Variants in TRPC1 observed in about 807,000 individuals in gnomAD.
TRPC1 encodes the protein short transient receptor potential channel 1.
TRPC1 carries 42 observed loss-of-function variants against 88.2 expected under a neutral mutation model. The ratio of observed to expected loss-of-function variants is 0.48; its 90% CI spans 0.37 to 0.62. The LOEUF (loss-of-function observed/expected upper bound fraction) is 0.62, where lower values mean the gene tolerates loss of function less well. Ranked by LOEUF, TRPC1 falls within the 20% of genes least tolerant of loss-of-function variation. The pLI is 0.00. For missense variants in TRPC1, 699 were observed against 957.3 expected, an observed-to-expected ratio of 0.73 and a Z score of 3.56; for synonymous variants, 288 against 331.8, an observed-to-expected ratio of 0.87 and a Z score of 1.43.
At position 142,787,783 on chromosome 3, in the gene TRPC1, A is replaced by G. The variant is rs535530064; in HGVS notation, c.1297+2743A>G. ...ATTGGTTAAAGATCATAGTGTTAGGAGAGTAAGCATATTATAGGGGCATTT... is the reference window on the plus strand; with the variant it reads ...ATTGGTTAAAGATCATAGTGTTAGGGGAGTAAGCATATTATAGGGGCATTT... On this transcript the variant is annotated intron_variant, in intron 7 of 12. Transcript: ENST00000476941. Among the ~76,000 whole-genome samples the G allele has an allele frequency of 2.6e-5, 4 of 152,344 alleles. No individual in the cohort carries two copies. The East Asian group carries it at 7.7e-4, about 29-fold the overall frequency.
intron 4 of TRPC1, among the ~76,000 whole-genome samples, chr3:142,758,139 T>C (rs1219909440): frequency 2.0e-5 from 3 of 152,114 alleles, no homozygotes; most frequent in Admixed American, 1.3e-4. Flanking sequence ...GGTAGTTCTA[T>C]TTTTAGTTTT....
At chr3:142,801,811 A>G (rs1357142808) in intron 9 of TRPC1, among the ~76,000 whole-genome samples, 1 of 152,146 alleles carries the variant, frequency 6.6e-6, no homozygotes, top group East Asian at 1.9e-4. Context: ...AAATATAAGC[A>G]TTTATTTCTC....
At chr3:142,738,977 T>G (rs181390569) in intron 2 of TRPC1, among the ~76,000 whole-genome samples, 102 of 152,020 alleles carry the variant, frequency 6.7e-4, no homozygotes, top group African/African-American at 2.4e-3. Context: ...TATTTTATTA[T>G]TATTATTTTT....
rs1040238345 is a variant in TRPC1 at position 142,748,774 on chromosome 3, T to G, written c.632+314T>G. ...GAGAAGTTCCAAGTCGTGGAAGGAG[T>G]GGAGATACCACCTCCTATCTCATTT... On this transcript the variant is annotated intron_variant, in intron 4 of 12. Coordinates refer to ENST00000476941, the MANE Select transcript of TRPC1 (RefSeq NM_001251845.2). Among the ~76,000 whole-genome samples, 7 of 152,222 alleles carry G rather than the reference T, an allele frequency of 4.6e-5. 1 individual carries two copies. In the Middle Eastern group the frequency reaches 0.02, roughly 444 times the overall value.
Position 142,806,288 on chromosome 3 carries a change from A to G in TRPC1, c.*53A>G. On this transcript the variant is annotated 3_prime_UTR_variant, in exon 13 of 13. Transcript: ENST00000476941. ...TTTTCAATAACAGATCCAAAAGACT[A>G]TATTGCATAACTTGCAATGAAATTA... 2 of 1,364,658 alleles carry G rather than the reference A, an allele frequency of 1.5e-6. No homozygotes were observed. Among genetic ancestry groups the G allele is most frequent in the Non-Finnish European group, 1.0e-6 (1 of 986,236 alleles). The allele number at this position is 1,364,658 out of a possible 1,614,324, so 84.5% of individuals were successfully genotyped here.
At chr3:142,737,790 G>A (rs1934195066) in intron 2 of TRPC1, among the ~76,000 whole-genome samples, 1 of 152,126 alleles carries the variant, frequency 6.6e-6, no homozygotes, top group African/African-American at 2.4e-5. Context: ...CAGTAAGGAA[G>A]AGTTAAATTA....
At chr3:142,774,272 AT>A (rs1399340542) in intron 4 of TRPC1, among the ~76,000 whole-genome samples, 1 of 152,078 alleles carries the variant, frequency 6.6e-6, no homozygotes, top group South Asian at 2.1e-4. Context: ...CACATATGTA[AT>A]TTTCTAGTCA....
At position 142,776,272 on chromosome 3, in the gene TRPC1, T is replaced by C. The variant is rs879523818; in HGVS notation, c.633-1360T>C. Among the ~76,000 whole-genome samples the C allele has an allele frequency of 6.6e-6, 1 of 151,974 alleles. No individual in the cohort carries two copies. Among genetic ancestry groups the C allele is most frequent in the Non-Finnish European group, 1.5e-5 (1 of 67,992 alleles). ...AGTTTTGAGGATTGCAGTTGGGAGG[T>C]GATGGGAGGACATGGATGAGGGAGT... On this transcript the variant is annotated intron_variant, in intron 4 of 12. Coordinates refer to ENST00000476941, the MANE Select transcript of TRPC1 (RefSeq NM_001251845.2). The surrounding 1 kb of genome is among the most constrained non-coding windows in gnomAD (Gnocchi z 4.1).
chr3:142,777,720 A>G lies in TRPC1; in HGVS notation c.721A>G (p.Ser241Gly). The G allele has an allele frequency of 6.2e-7, 1 of 1,613,262 alleles. No homozygotes were observed. Among genetic ancestry groups the G allele is most frequent in the South Asian group, 1.1e-5 (1 of 90,974 alleles). The change falls in exon 5 of 13, where the codon AGT becomes GGT. Residue 241 changes from serine (S) to glycine (G), a missense_variant. By Grantham distance (56) the Ser-to-Gly change is moderately conservative. This residue lies in a region of TRPC1 where 426 missense variants were observed against 641.3 expected (regional missense o/e 0.66). Transcript: ENST00000476941. ...EDPILRAFEL[S>G]ADLKELSLVE... The stretch of plus-strand genomic sequence containing the variant: ...TCCAATTCTGAGAGCATTTGAACTT[A>G]GTGCTGATTTAAAAGAACTAAGTCT...
At chr3:142,754,421 TAA>T (rs1015913144) in intron 4 of TRPC1, among the ~76,000 whole-genome samples, 5 of 151,410 alleles carry the variant, frequency 3.3e-5, no homozygotes, top group Non-Finnish European at 7.4e-5. Flanking sequence ...TAAAGTATAA[TAA>T]AAAAAATGAC....
At chr3:142,804,347 C>T (rs2108168100) in intron 11 of TRPC1, 89 bp from the exon 12 acceptor site, 1 of 1,279,388 alleles carries the variant, frequency 7.8e-7, no homozygotes, top group Non-Finnish European at 1.1e-6. Context: ...AAATGTTGAA[C>T]AAAATTTTTC....
In TRPC1 at chr3:142,784,759, T is replaced by C; in HGVS notation, c.1016T>C (p.Met339Thr). Residue 339 changes from methionine (M) to threonine (T), a missense_variant, in exon 7 of 13, where the codon ATG (methionine) becomes ACG (threonine). By Grantham distance (81) the Met-to-Thr change is moderately conservative. Transcript: ENST00000476941. ...QFLNTVWFGQ[M>T]SGYRRKPTCK... ...CTGAACACTGTTTGGTTTGGACAGA[T>C]GTCGGGTTACCGACGCAAGCCCACC... The C allele has an allele frequency of 2.5e-6, 4 of 1,614,154 alleles. No individual in the cohort carries two copies. The highest frequency in any genetic ancestry group is 3.4e-6 in the Non-Finnish European group (4 of 1,180,010).
intron 7 of TRPC1, 99 bp from the exon 8 acceptor site, chr3:142,790,920 C>T: frequency 1.9e-6 from 2 of 1,039,412 alleles, no homozygotes; most frequent in Non-Finnish European, 1.3e-6. Flanking sequence ...TGAATAAGGC[C>T]CAAGGATTAT....
At position 142,739,871 on chromosome 3, in the gene TRPC1, C is replaced by T. The variant is rs1025252479; in HGVS notation, c.327+3338C>T. Among the ~76,000 whole-genome samples the T allele has an allele frequency of 4.1e-4, 63 of 152,102 alleles. 1 individual carries two copies. The highest frequency in any genetic ancestry group is 8.1e-4 in the Non-Finnish European group (55 of 68,026). On this transcript the variant is annotated intron_variant, in intron 2 of 12. Coordinates refer to ENST00000476941, the MANE Select transcript of TRPC1 (RefSeq NM_001251845.2). ...GGCTATGAGAAGAAGGGGGAAAAGGCAGATATGAGTCCATGGCCTATATGG... is the reference window on the plus strand; with the variant it reads ...GGCTATGAGAAGAAGGGGGAAAAGGTAGATATGAGTCCATGGCCTATATGG...
At chr3:142,753,087 T>C (rs774053525) in intron 4 of TRPC1, among the ~76,000 whole-genome samples, 1 of 152,166 alleles carries the variant, frequency 6.6e-6, no homozygotes, top group Non-Finnish European at 1.5e-5. Context: ...TAAGTGTGAA[T>C]ATTTTTCAAA....
chr3:142,792,858 C>T lies in TRPC1; in HGVS notation c.1472C>T (p.Ala491Val). The T allele has an allele frequency of 6.2e-7, 1 of 1,600,332 alleles. No homozygotes were observed. Among genetic ancestry groups the T allele is most frequent in the Non-Finnish European group, 8.5e-7 (1 of 1,172,894 alleles). Residue 491 changes from alanine to valine, a missense_variant, in exon 9 of 13, where the codon GCA (alanine) becomes GTA (valine). Transcript: ENST00000476941. The surrounding 1 kb of genome is among the most constrained non-coding windows in gnomAD (Gnocchi z 4.0). ...TTTGCTGATCGGAAGGATTGGGATG[C>T]ATTCCATCCTACACTGGTGGCAGAA... The part of the protein sequence containing the change: ...HDFADRKDWD[A>V]FHPTLVAEGL...
intron 6 of TRPC1, among the ~76,000 whole-genome samples, chr3:142,783,661 T>C (rs765047932): frequency 6.6e-6 from 1 of 152,212 alleles, no homozygotes; most frequent in Non-Finnish European, 1.5e-5. Context: ...TACAGTATAC[T>C]AGAAATTTTC....
chr3:142,760,530 G>T (rs536168372), intron 4 of TRPC1, among the ~76,000 whole-genome samples: 1 of 152,176 alleles, frequency 6.6e-6, no homozygotes, highest in South Asian at 2.1e-4. Context: ...TTCCAGCTTT[G>T]TTCTTTTTGC....
chr3:142,769,780 T>C, intron 4 of TRPC1, among the ~76,000 whole-genome samples: 1 of 152,166 alleles, frequency 6.6e-6, no homozygotes, highest in East Asian at 1.9e-4. Flanking sequence ...TGACTTTTTT[T>C]CCCTTATGGC....
Sources: gnomAD v4.1 joint callset for allele counts (sites outside exome capture counted in the v4.1 genomes callset) on GRCh38, gnomAD v4.1.1 for gene constraint, gnomAD v4.1.1 regional missense constraint, Gnocchi (gnomAD v3.1) non-coding constraint, MANE v1.5 for transcripts, NCBI Gene and HGNC (gene_info 2026-07-23, HGNC 2026-07-21) for gene names.